The following RANBP2 variants were observed in gnomAD, a reference collection of about 807,000 sequenced individuals.
RANBP2 encodes E3 SUMO-protein ligase RanBP2.
In RANBP2, 57 loss-of-function variants were observed where a neutral mutation model predicts 303.6. The ratio of observed to expected loss-of-function variants is 0.19; its 90% CI spans 0.15 to 0.23. RANBP2 has a LOEUF of 0.23. Among genes scored for constraint, RANBP2 ranks in the 10% least tolerant of loss-of-function variants. The probability of loss-of-function intolerance (pLI) is 1.00; values close to 1 mark genes in which losing one functional copy is unlikely to be tolerated. For missense variants in RANBP2, 3,138 were observed against 3,780.8 expected (o/e 0.83, Z 4.46); for synonymous variants, 1,167 against 1,301.5 (o/e 0.90, Z 2.23).
At chr2:109,649,922 A>C in the RANBP2 span, among the ~76,000 whole-genome samples, 2 of 152,226 alleles carry the variant, frequency 1.3e-5, no homozygotes, top group Non-Finnish European at 1.5e-5. Flanking sequence ...TTGCAACAAT[A>C]AGTTAGCCCA....
intron 17 of RANBP2, 82 bp downstream of exon 17, chr2:108,755,341 G>T: frequency 2.5e-6 from 4 of 1,597,644 alleles, no homozygotes; most frequent in Non-Finnish European, 3.4e-6. Context: ...TTCTGAAGCT[G>T]GTCAGAATGT....
At chr2:109,564,997 A>G in the RANBP2 span, among the ~76,000 whole-genome samples, 1 of 152,236 alleles carries the variant, frequency 6.6e-6, no homozygotes, top group African/African-American at 2.4e-5. Flanking sequence ...TTCTTTTTAT[A>G]GAACACATTT....
the RANBP2 span, chr2:109,501,753 G>T: frequency 1.5e-6 from 1 of 671,954 alleles, no homozygotes; most frequent in Non-Finnish European, 2.7e-6. Context: ...GAGCCATGGC[G>T]CCCCAAGGGT....
chr2:108,861,493 T>G, the RANBP2 span, among the ~76,000 whole-genome samples: 1 of 84,798 alleles, frequency 1.2e-5, no homozygotes, highest in African/African-American at 3.6e-5. Flanking sequence ...TTTTTTTTTT[T>G]TTTTTGAGAT....
In RANBP2 at chr2:108,771,864, G is replaced by A. The variant is rs201437286; in HGVS notation, c.8013G>A (p.Glu2671=). 9 of 1,613,972 alleles carry A rather than the reference G, an allele frequency of 5.6e-6. No individual in the cohort carries two copies. In the East Asian group the frequency reaches 1.8e-4, roughly 32 times the overall value. Residue 2671 remains glutamate, a synonymous_variant, in exon 21 of 29, where the codon GAG becomes GAA. Coordinates refer to ENST00000283195, the MANE Select transcript of RANBP2 (RefSeq NM_006267.5). ...KNRPDYVSEE[E]EDDEDFETAV... ...GACCAGATTATGTTAGTGAAGAAGAGGAGGATGGTAAAACTTTTGTTATTT... is the reference window on the plus strand; with the variant it reads ...GACCAGATTATGTTAGTGAAGAAGAAGAGGATGGTAAAACTTTTGTTATTT...
At chr2:109,347,631 G>C in the RANBP2 span, 2 of 1,594,372 alleles carry the variant, frequency 1.3e-6, no homozygotes, top group African/African-American at 1.3e-5. Flanking sequence ...GGGGCATTGG[G>C]AAGGGGCATG....
At chr2:109,073,872 G>C in the RANBP2 span, among the ~76,000 whole-genome samples, 1 of 150,524 alleles carries the variant, frequency 6.6e-6, no homozygotes, top group East Asian at 1.9e-4. Context: ...AGTTTAACCT[G>C]TTATAAATAT....
At chr2:109,356,248 T>C in the RANBP2 span, among the ~76,000 whole-genome samples, 12 of 152,062 alleles carry the variant, frequency 7.9e-5, no homozygotes, top group Admixed American at 1.3e-4. Flanking sequence ...GCCAACTAAA[T>C]AGGAACATTC....
chr2:109,150,542 G>T, the RANBP2 span, among the ~76,000 whole-genome samples: 52 of 152,332 alleles, frequency 3.4e-4, no homozygotes, highest in African/African-American at 1.2e-3. Flanking sequence ...AGTGGGACAG[G>T]TATAGATAGG....
the RANBP2 span, among the ~76,000 whole-genome samples, chr2:109,163,288 C>G: frequency 6.6e-6 from 1 of 150,434 alleles, no homozygotes; most frequent in African/African-American, 2.4e-5. Context: ...TCTAATGAAA[C>G]AGGTGATTAC....
the RANBP2 span, among the ~76,000 whole-genome samples, chr2:109,148,287 A>C: frequency 3.9e-5 from 6 of 152,252 alleles, no homozygotes; most frequent in African/African-American, 1.4e-4. Context: ...TGAGCAGAGC[A>C]CGTGAGGGAA....
the RANBP2 span, chr2:109,419,576 T>A: frequency 1.3e-6 from 2 of 1,598,976 alleles, no homozygotes; most frequent in Non-Finnish European, 1.7e-6. Flanking sequence ...CCCACGGCTG[T>A]CCCACGGGCT....
chr2:109,159,669 C>T, the RANBP2 span, among the ~76,000 whole-genome samples: 8 of 152,108 alleles, frequency 5.3e-5, no homozygotes, highest in Non-Finnish European at 8.8e-5. Context: ...GGCGGGAGAG[C>T]GAGCAAAGCT....
At chr2:109,533,580 CAAT>C in the RANBP2 span, among the ~76,000 whole-genome samples, 1 of 152,066 alleles carries the variant, frequency 6.6e-6, no homozygotes, top group Non-Finnish European at 1.5e-5. Flanking sequence ...AATATTCTAA[CAAT>C]ATTATCCACT....
chr2:108,762,072 T>A, intron 18 of RANBP2, 29 bp from the exon 19 acceptor site: 1 of 1,596,434 alleles, frequency 6.3e-7, no homozygotes, highest in East Asian at 2.2e-5. Context: ...TTTAACAGTG[T>A]TTTCTTTATT....
chr2:109,687,403 C>T, the RANBP2 span, among the ~76,000 whole-genome samples: 1 of 152,150 alleles, frequency 6.6e-6, no homozygotes, highest in African/African-American at 2.4e-5. Context: ...ATTTTCCCTG[C>T]CCCATCCCTA....
the RANBP2 span, among the ~76,000 whole-genome samples, chr2:109,657,312 G>T: frequency 6.6e-6 from 1 of 152,124 alleles, no homozygotes; most frequent in African/African-American, 2.4e-5. Flanking sequence ...GCCAGGTGTG[G>T]TGGTGTGTGC....
chr2:109,556,309 A>G, the RANBP2 span, among the ~76,000 whole-genome samples: 1 of 152,230 alleles, frequency 6.6e-6, no homozygotes, highest in Admixed American at 6.5e-5. Context: ...TTCCAGCTAC[A>G]TTAGTGAGAA....
the RANBP2 span, chr2:109,130,009 G>T: frequency 3.8e-6 from 5 of 1,302,228 alleles, no homozygotes; most frequent in Middle Eastern, 2.9e-4. Context: ...GGGCGGCGCG[G>T]CAGGCAGCAC....
Sources: allele counts gnomAD v4.1 joint callset (sites outside exome capture counted in the v4.1 genomes callset), GRCh38; gene constraint gnomAD v4.1.1; transcripts MANE v1.5; gene names NCBI Gene and HGNC (gene_info 2026-07-23, HGNC 2026-07-21).